The following KIF2A variants were observed in gnomAD, a reference collection of about 807,000 sequenced individuals.
KIF2A encodes the protein kinesin family member 2A, also known as kinesin-like protein KIF2A.
A neutral mutation model predicts 100.2 loss-of-function variants in KIF2A; 22 were observed. The observed-to-expected ratio is 0.22, with a 90% CI of 0.16 to 0.31. The LOEUF (loss-of-function observed/expected upper bound fraction) is 0.31. Among genes scored for constraint, KIF2A ranks in the 10% least tolerant of loss-of-function variants. KIF2A has a pLI of 1.00. For missense variants in KIF2A, 495 were observed against 898.7 expected (o/e 0.55, Z 5.74); for synonymous variants, 268 against 285.9 (o/e 0.94, Z 0.63).
At chr5:62,327,915 G>T (rs1746459087) in intron 1 of KIF2A, among the ~76,000 whole-genome samples, 1 of 152,118 alleles carries the variant, frequency 6.6e-6, no homozygotes, top group Non-Finnish European at 1.5e-5. Context: ...GTCTCGTTAG[G>T]ATGTATGCAT....
chr5:62,323,854 A>G lies in KIF2A; in HGVS notation c.64+17318A>G, dbSNP rs576495635. On this transcript the variant is annotated intron_variant, in intron 1 of 20. Transcript: ENST00000407818. ...GAAGTTTGAGATCAGCCTGGGCAAC[A>G]TGGCAAAACCTCGTCTCTACTCTGC... Among the ~76,000 whole-genome samples the G allele has an allele frequency of 1.6e-3, 241 of 152,168 alleles. 1 individual carries two copies. The highest frequency in any genetic ancestry group is 5.6e-3 in the African/African-American group (232 of 41,538).
chr5:62,374,115 G>A (rs2111986962), intron 18 of KIF2A, among the ~76,000 whole-genome samples: 1 of 152,288 alleles, frequency 6.6e-6, no homozygotes, highest in Admixed American at 6.5e-5. Context: ...GGCAGGCTGA[G>A]GTGGGAGGAT....
At position 62,385,573 on chromosome 5, in the gene KIF2A, G is replaced by A. The variant is rs769776046; in HGVS notation, c.*4G>A. The A allele has an allele frequency of 1.8e-5, 28 of 1,576,198 alleles. No homozygotes were observed. The highest frequency in any genetic ancestry group is 1.1e-4 in the Admixed American group (6 of 55,026). On this transcript the variant is annotated 3_prime_UTR_variant, in exon 21 of 21. Coordinates refer to ENST00000407818, the MANE Select transcript of KIF2A (RefSeq NM_001098511.3). ...GAAGAGACCCCGTGCCCTTTAAACC[G>A]GCATTTGCTGCTAAAGGATACCCAG... is the stretch of plus-strand genomic sequence containing the variant.
intron 9 of KIF2A, among the ~76,000 whole-genome samples, chr5:62,359,652 T>A (rs1007324263): frequency 2.0e-5 from 3 of 152,226 alleles, no homozygotes; most frequent in Admixed American, 6.5e-5. Context: ...TAATAGTTTT[T>A]AAGAAATTAT....
intron 1 of KIF2A, among the ~76,000 whole-genome samples, chr5:62,344,157 A>G (rs112608472): frequency 0.016 from 2,479 of 152,230 alleles, 59 homozygotes; most frequent in African/African-American, 0.057. Context: ...CATCCTGGCC[A>G]ACATGGTGAA....
At chr5:62,318,253 T>G (rs993877391) in intron 1 of KIF2A, among the ~76,000 whole-genome samples, 12 of 152,192 alleles carry the variant, frequency 7.9e-5, no homozygotes, top group African/African-American at 2.9e-4. Context: ...CAGCTAATTT[T>G]TGTATTTTTA....
chr5:62,322,441 A>G (rs1047114188), intron 1 of KIF2A, among the ~76,000 whole-genome samples: 4 of 152,150 alleles, frequency 2.6e-5, no homozygotes, highest in African/African-American at 9.7e-5. Context: ...CTAAGAAACC[A>G]TTGTCTAATC....
intron 4 of KIF2A, among the ~76,000 whole-genome samples, 188 bp downstream of exon 4, chr5:62,350,308 TGCTCTATCACCCAGTCTA>T (rs1747786112): frequency 6.6e-6 from 1 of 151,992 alleles, no homozygotes; most frequent in South Asian, 2.1e-4. Flanking sequence ...GACAGGGTCT[TGCTCTATCACCCAGTCTA>T]GAGTACATTG....
intron 1 of KIF2A, among the ~76,000 whole-genome samples, chr5:62,333,574 T>C (rs1746764397): frequency 6.6e-6 from 1 of 152,148 alleles, no homozygotes; most frequent in African/African-American, 2.4e-5. Flanking sequence ...GAAATGATAA[T>C]GGACATCAGC....
chr5:62,369,775 T>C (rs1204045661), intron 16 of KIF2A, among the ~76,000 whole-genome samples: 1 of 152,206 alleles, frequency 6.6e-6, no homozygotes, highest in Non-Finnish European at 1.5e-5. Flanking sequence ...TAGGTGGCAT[T>C]ACATTAAAAT....
At chr5:62,379,311 A>C (rs1741679535) in intron 19 of KIF2A, among the ~76,000 whole-genome samples, 1 of 152,160 alleles carries the variant, frequency 6.6e-6, no homozygotes. Flanking sequence ...GCCATTTCAC[A>C]AAATAAGGTT....
intron 20 of KIF2A, among the ~76,000 whole-genome samples, chr5:62,382,059 G>A (rs1485106506): frequency 6.6e-6 from 1 of 152,152 alleles, no homozygotes; most frequent in East Asian, 1.9e-4. Flanking sequence ...TTGTTTAGGT[G>A]TGAGTGACCA....
At chr5:62,352,811 A>C in intron 5 of KIF2A, 101 bp downstream of exon 5, 2 of 830,692 alleles carry the variant, frequency 2.4e-6, no homozygotes, top group Non-Finnish European at 3.5e-6. Context: ...TCTAAATACA[A>C]GCTTGATTGC....
chr5:62,355,630 T>G (rs539894960), intron 7 of KIF2A, among the ~76,000 whole-genome samples: 1 of 152,302 alleles, frequency 6.6e-6, no homozygotes, highest in South Asian at 2.1e-4. Flanking sequence ...TCATTTCTAA[T>G]TTACTATTGG....
chr5:62,313,647 C>T (rs2111778281), intron 1 of KIF2A, among the ~76,000 whole-genome samples: 1 of 152,244 alleles, frequency 6.6e-6, no homozygotes, highest in South Asian at 2.1e-4. Flanking sequence ...GCCACTGCGC[C>T]CGGCCAGCCT....
At chr5:62,367,782 CTT>C (rs549700139) in intron 16 of KIF2A, among the ~76,000 whole-genome samples, 83 of 152,102 alleles carry the variant, frequency 5.5e-4, no homozygotes, top group Middle Eastern at 3.4e-3. Flanking sequence ...TCCCACTGCT[CTT>C]GAGTGACTTT....
At chr5:62,377,271 GAAACTT>G (rs1237510109) in intron 18 of KIF2A, among the ~76,000 whole-genome samples, 1 of 152,010 alleles carries the variant, frequency 6.6e-6, no homozygotes, top group African/African-American at 2.4e-5. Flanking sequence ...TTTAACAAAA[GAAACTT>G]AAACATGTAA....
intron 1 of KIF2A, among the ~76,000 whole-genome samples, chr5:62,321,505 A>G (rs756045739): frequency 6.6e-6 from 1 of 152,034 alleles, no homozygotes; most frequent in African/African-American, 2.4e-5. Flanking sequence ...GCATTTCCCT[A>G]ATGACTAATG....
At chr5:62,356,499 G>A (rs571501622) in intron 7 of KIF2A, among the ~76,000 whole-genome samples, 31 of 152,252 alleles carry the variant, frequency 2.0e-4, no homozygotes, top group African/African-American at 7.5e-4. Context: ...AGCTAAATTA[G>A]ACCCACAGGC....
Sources: allele counts gnomAD v4.1 joint callset (sites outside exome capture counted in the v4.1 genomes callset), GRCh38; gene constraint gnomAD v4.1.1; transcripts MANE v1.5; gene names NCBI Gene and HGNC (gene_info 2026-07-23, HGNC 2026-07-21).